FAM135B: variants seen among roughly 807,000 people sequenced by gnomAD.
The protein encoded by FAM135B is protein FAM135B.
In FAM135B, 43 loss-of-function variants were observed where a neutral mutation model predicts 127.7. The observed-to-expected ratio is 0.34, with a 90% CI of 0.26 to 0.43. FAM135B has a LOEUF of 0.43. Ranked by LOEUF, FAM135B falls within the 20% of genes least tolerant of loss-of-function variation. FAM135B has a pLI of 1.00. For missense variants in FAM135B, 1,558 were observed against 1,725.6 expected, an observed-to-expected ratio of 0.90 and a Z score of 1.72; for synonymous variants, 670 against 665.1, an observed-to-expected ratio of 1.01 and a Z score of -0.11.
chr8:138,349,141 G>A (rs1381516476), intron 2 of FAM135B, among the ~76,000 whole-genome samples: 1 of 152,254 alleles, frequency 6.6e-6, no homozygotes, highest in Non-Finnish European at 1.5e-5. Flanking sequence ...ACCCCCTTCA[G>A]TTCACCTGGG....
intron 1 of FAM135B, among the ~76,000 whole-genome samples, chr8:138,480,965 G>A (rs922333660): frequency 6.6e-6 from 1 of 152,220 alleles, no homozygotes; most frequent in African/African-American, 2.4e-5. Flanking sequence ...GATTACAGGA[G>A]AAAACCCTTG....
In FAM135B at chr8:138,462,559, G is replaced by A. The variant is rs372898226; in HGVS notation, c.-20+34112C>T. The stretch of plus-strand genomic sequence containing the variant: ...CTAGAATGCTACCTGGAGTCACTGG[G>A]GAGAGGAGGGCAGGGTAAATGCCAG... On this transcript the variant is annotated intron_variant, in intron 1 of 19. Coordinates refer to ENST00000395297, the MANE Select transcript of FAM135B (RefSeq NM_015912.4). 9.2e-4 allele frequency among the ~76,000 whole-genome samples: 140 copies of A among 152,264 alleles called. 1 individual carries two copies. In the East Asian group the frequency reaches 0.018, roughly 19 times the overall value.
At chr8:138,289,258 C>T (rs1411739826) in intron 3 of FAM135B, among the ~76,000 whole-genome samples, 1 of 152,176 alleles carries the variant, frequency 6.6e-6, no homozygotes, top group African/African-American at 2.4e-5. Flanking sequence ...TGTATGCCCA[C>T]CCAATAGGAA....
In FAM135B at chr8:138,387,652, A is replaced by C. The variant is rs572376737; in HGVS notation, c.-19-19650T>G. ...CACCCAGAGTAGGTTCTCCAAAGTC[A>C]TAGTCCCACTTAATCCTAGACACAG... On this transcript the variant is annotated intron_variant, in intron 1 of 19. Transcript: ENST00000395297. Among the ~76,000 whole-genome samples the C allele has an allele frequency of 2.6e-5, 4 of 152,242 alleles. No individual in the cohort carries two copies. In the East Asian group the frequency reaches 7.7e-4, roughly 29 times the overall value.
At chr8:138,257,467 T>C (rs1265745460) in intron 4 of FAM135B, among the ~76,000 whole-genome samples, 1 of 152,134 alleles carries the variant, frequency 6.6e-6, no homozygotes, top group African/African-American at 2.4e-5. Flanking sequence ...GTTTCTCATA[T>C]ACACCTGGAA....
intron 7 of FAM135B, among the ~76,000 whole-genome samples, chr8:138,202,408 C>G (rs1054661199): frequency 1.3e-5 from 2 of 152,106 alleles, no homozygotes; most frequent in Non-Finnish European, 2.9e-5. Context: ...CACCATCACA[C>G]TTGGCTAATG....
chr8:138,416,012 T>C (rs1214145398), intron 1 of FAM135B, among the ~76,000 whole-genome samples: 1 of 152,162 alleles, frequency 6.6e-6, no homozygotes, highest in Non-Finnish European at 1.5e-5. Context: ...CAACCTCCTC[T>C]CCCTTCCCTT....
Position 138,243,150 on chromosome 8 carries a change from T to C in FAM135B, c.543-82A>G, listed in dbSNP as rs980714963. The C allele has an allele frequency of 8.1e-6, 12 of 1,488,418 alleles. No individual in the cohort carries two copies. Among genetic ancestry groups the C allele is most frequent in the East Asian group, 4.6e-5 (2 of 43,168 alleles). 92.2% of individuals were successfully genotyped at this position (1,488,418 alleles called of 1,614,324 possible). A position where few individuals can be genotyped will look rare whatever the true frequency, so the allele number is the denominator to read the frequency against. ...TTAACTCAGCCCCTTTGAGGAGTGT[T>C]CCTGTGAAGCATTTGGGATAAGTCA... On this transcript the variant is annotated intron_variant, in intron 6 of 19. Transcript: ENST00000395297. This position sits in a 1 kb window ranked among gnomAD's most constrained non-coding sequence, Gnocchi z 7.5.
At chr8:138,181,037 G>A (rs543000519) in intron 9 of FAM135B, among the ~76,000 whole-genome samples, 16 of 150,688 alleles carry the variant, frequency 1.1e-4, no homozygotes, top group Admixed American at 2.6e-4. Flanking sequence ...TCAAGAGAAC[G>A]AGACCATCCT....
intron 11 of FAM135B, among the ~76,000 whole-genome samples, 187 bp downstream of exon 11, chr8:138,177,160 C>T (rs1814548966): frequency 6.6e-6 from 1 of 152,218 alleles, no homozygotes; most frequent in Admixed American, 6.5e-5. Context: ...ACCTTCTCTG[C>T]CACCTGCCAG....
chr8:138,437,568 T>C (rs747434081), intron 1 of FAM135B: 2 of 152,214 alleles, frequency 1.3e-5, no homozygotes, highest in African/African-American at 2.4e-5. Context: ...TGTGAATCAA[T>C]TAAACTTATT....
At chr8:138,224,768 G>C (rs1819285681) in intron 7 of FAM135B, among the ~76,000 whole-genome samples, 1 of 152,160 alleles carries the variant, frequency 6.6e-6, no homozygotes, top group Non-Finnish European at 1.5e-5. Context: ...GGACCCTCAT[G>C]ATGAGGTTAA....
intron 7 of FAM135B, among the ~76,000 whole-genome samples, chr8:138,215,028 A>T (rs536151995): frequency 3.3e-5 from 5 of 152,322 alleles, no homozygotes; most frequent in African/African-American, 1.2e-4. Flanking sequence ...AGAGAGAAGA[A>T]GGGATCGGGG....
intron 9 of FAM135B, among the ~76,000 whole-genome samples, chr8:138,192,295 A>T (rs1216760436): frequency 6.6e-6 from 1 of 152,228 alleles, no homozygotes; most frequent in Non-Finnish European, 1.5e-5. Flanking sequence ...ATTCCTGGGC[A>T]TAGGCCATAC....
intron 2 of FAM135B, among the ~76,000 whole-genome samples, chr8:138,334,483 A>G (rs931761254): frequency 6.6e-5 from 10 of 152,178 alleles, no homozygotes; most frequent in Non-Finnish European, 1.5e-4. Context: ...AGATTATTTC[A>G]TCACCATGGT....
intron 1 of FAM135B, among the ~76,000 whole-genome samples, chr8:138,392,422 C>A (rs531894583): frequency 6.6e-6 from 1 of 152,266 alleles, no homozygotes; most frequent in Admixed American, 6.5e-5. Context: ...TATTTTAAAG[C>A]AGGAGCTGAG....
intron 1 of FAM135B, chr8:138,477,505 C>T (rs1225002829): frequency 1.3e-5 from 2 of 152,202 alleles, no homozygotes; most frequent in Non-Finnish European, 2.9e-5. Context: ...TCATTATGAG[C>T]TGCTTGATCG....
intron 2 of FAM135B, among the ~76,000 whole-genome samples, chr8:138,355,949 T>A (rs553390551): frequency 6.6e-6 from 1 of 152,276 alleles, no homozygotes; most frequent in Admixed American, 6.5e-5. Context: ...GATTAAGTAA[T>A]TAGGGCTTTG....
At chr8:138,278,850 TTGTG>T (rs1448446427) in intron 3 of FAM135B, among the ~76,000 whole-genome samples, 3 of 152,136 alleles carry the variant, frequency 2.0e-5, no homozygotes, top group South Asian at 2.1e-4. Flanking sequence ...CACAGGGTTG[TTGTG>T]AGTATCAAAT....
Sources: allele counts gnomAD v4.1 joint callset (sites outside exome capture counted in the v4.1 genomes callset), GRCh38; gene constraint gnomAD v4.1.1; non-coding constraint Gnocchi (gnomAD v3.1); transcripts MANE v1.5; gene names NCBI Gene and HGNC (gene_info 2026-07-23, HGNC 2026-07-21).